OCA2: variants seen among roughly 807,000 people sequenced by gnomAD.
OCA2 encodes the protein OCA2 melanosomal transmembrane protein, also known as P protein.
Under a neutral mutation model 100.2 loss-of-function variants are expected in OCA2, and 77 were observed. That is an observed-to-expected ratio of 0.77 (90% confidence interval 0.64 to 0.93). OCA2 has a LOEUF of 0.93. OCA2 is among the 40% of genes least tolerant of loss of function. OCA2 has a pLI of 0.00. For synonymous variants in OCA2, 432 were observed against 439.2 expected, an observed-to-expected ratio of 0.98 and a Z score of 0.21; for missense variants, 1,062 against 1,089.1, an observed-to-expected ratio of 0.98 and a Z score of 0.35.
chr15:27,850,754 G>A (rs1362127751), intron 22 of OCA2, among the ~76,000 whole-genome samples: 1 of 152,174 alleles, frequency 6.6e-6, no homozygotes, highest in Non-Finnish European at 1.5e-5. Context: ...AAGCGTATCT[G>A]ATGTGTTGAT....
intron 2 of OCA2, among the ~76,000 whole-genome samples, chr15:28,061,292 G>T (rs2043864912): frequency 6.6e-6 from 1 of 152,142 alleles, no homozygotes; most frequent in Non-Finnish European, 1.5e-5. Flanking sequence ...AATGGTCCCA[G>T]CCCTTATTTA....
chr15:27,836,592 A>G (rs992614438), intron 23 of OCA2, among the ~76,000 whole-genome samples: 2 of 152,242 alleles, frequency 1.3e-5, no homozygotes, highest in African/African-American at 4.8e-5. Flanking sequence ...TGATCAATAC[A>G]GAGATTAACC....
At chr15:27,732,967 G>A in the OCA2 span, among the ~76,000 whole-genome samples, 883 of 152,160 alleles carry the variant, frequency 5.8e-3, 15 homozygotes, top group African/African-American at 0.021. Flanking sequence ...AGAAAATTGC[G>A]GCAAAGGATA....
chr15:28,034,678 T>C (rs2042997821), intron 2 of OCA2, among the ~76,000 whole-genome samples: 1 of 151,976 alleles, frequency 6.6e-6, no homozygotes, highest in Admixed American at 6.6e-5. Context: ...GGAAGGCTGG[T>C]GGAAGGATTG....
At chr15:28,009,376 A>T (rs1323806191) in intron 9 of OCA2, among the ~76,000 whole-genome samples, 1 of 151,922 alleles carries the variant, frequency 6.6e-6, no homozygotes, top group East Asian at 1.9e-4. Flanking sequence ...TAGACCATAA[A>T]CCTGAGTCAT....
chr15:27,727,435 T>C, the OCA2 span, among the ~76,000 whole-genome samples: 1 of 152,192 alleles, frequency 6.6e-6, no homozygotes, highest in African/African-American at 2.4e-5. Flanking sequence ...TCACAGATGT[T>C]ACCCTCTCAT....
At chr15:28,010,392 T>C (rs973734401) in intron 9 of OCA2, among the ~76,000 whole-genome samples, 2 of 152,166 alleles carry the variant, frequency 1.3e-5, no homozygotes, top group African/African-American at 2.4e-5. Flanking sequence ...ATTAAAGACA[T>C]ACAGATTGGA....
chr15:27,822,013 T>A (rs1427546401), intron 23 of OCA2, among the ~76,000 whole-genome samples: 1 of 152,170 alleles, frequency 6.6e-6, no homozygotes, highest in African/African-American at 2.4e-5. Flanking sequence ...TGTGTTCCAA[T>A]AAAACTTCAG....
At position 27,871,208 on chromosome 15, in the gene OCA2, C is replaced by A; in HGVS notation, c.2190G>T (p.Trp730Cys). Residue 730 changes from tryptophan to cysteine, a missense_variant, in exon 21 of 24, where the codon TGG (tryptophan) becomes TGT (cysteine). Physicochemically the swap from Trp to Cys is radical, Grantham distance 215. Transcript: ENST00000354638. ...RLIAAIVLVVWVSALASSLID... is the reference protein window; with the variant it reads ...RLIAAIVLVVCVSALASSLID... ...TCAGGGACGACGCCAGGGCTGAGAC[C>A]CACACCACCAGGACAATGGCGGCTA... The A allele has an allele frequency of 2.5e-6, 4 of 1,614,174 alleles. No individual in the cohort carries two copies. The highest frequency in any genetic ancestry group is 2.5e-6 in the Non-Finnish European group (3 of 1,180,012).
intron 9 of OCA2, among the ~76,000 whole-genome samples, chr15:27,993,097 C>T (rs1456564252): frequency 6.6e-6 from 1 of 152,194 alleles, no homozygotes; most frequent in Non-Finnish European, 1.5e-5. Context: ...GCACTCCAGC[C>T]TGGGCAACAG....
At chr15:27,815,930 G>A (rs377614158) in intron 23 of OCA2, among the ~76,000 whole-genome samples, 3 of 152,112 alleles carry the variant, frequency 2.0e-5, no homozygotes, top group Admixed American at 6.5e-5. Flanking sequence ...TCAGGAGTTC[G>A]AGACCAGCCT....
intron 1 of OCA2, among the ~76,000 whole-genome samples, chr15:28,086,693 A>C (rs1380313537): frequency 6.6e-6 from 1 of 152,238 alleles, no homozygotes; most frequent in Non-Finnish European, 1.5e-5. Context: ...GCCAAAATAA[A>C]AATGTTTCAA....
intron 9 of OCA2, among the ~76,000 whole-genome samples, chr15:28,009,558 T>C (rs1278234238): frequency 1.3e-5 from 2 of 152,072 alleles, no homozygotes; most frequent in Admixed American, 1.3e-4. Flanking sequence ...CATGATGGTA[T>C]GCGCCTGTGG....
At chr15:27,758,238 A>G (rs71465252) in intron 23 of OCA2, among the ~76,000 whole-genome samples, 7,949 of 152,272 alleles carry the variant, frequency 0.052, 298 homozygotes, top group South Asian at 0.13. Context: ...GAAAGAAAAC[A>G]AAAAGCCCCA....
intron 23 of OCA2, among the ~76,000 whole-genome samples, chr15:27,804,880 C>G (rs965534123): frequency 6.6e-6 from 1 of 152,254 alleles, no homozygotes; most frequent in African/African-American, 2.4e-5. Context: ...TTTATGCATT[C>G]TGTCAGTCGT....
At chr15:27,878,411 C>T (rs2036877374) in intron 19 of OCA2, among the ~76,000 whole-genome samples, 1 of 152,092 alleles carries the variant, frequency 6.6e-6, no homozygotes, top group Admixed American at 6.6e-5. Flanking sequence ...AAATGAATTC[C>T]AGTCATTTCC....
intron 2 of OCA2, among the ~76,000 whole-genome samples, chr15:28,069,844 T>C (rs1227701480): frequency 1.2e-4 from 13 of 112,262 alleles, no homozygotes; most frequent in South Asian, 3.2e-4. Context: ...AAGTGAGGAG[T>C]GTCTCTGCCT....
At chr15:27,871,500 A>T (rs1032262281) in intron 20 of OCA2, among the ~76,000 whole-genome samples, 3 of 152,142 alleles carry the variant, frequency 2.0e-5, no homozygotes. Context: ...AGGCAGAGTG[A>T]CCCTGCCCCT....
At chr15:27,911,867 G>A (rs770637470) in intron 19 of OCA2, among the ~76,000 whole-genome samples, 32 of 152,302 alleles carry the variant, frequency 2.1e-4, no homozygotes, top group African/African-American at 4.8e-4. Context: ...AGGCTATGGA[G>A]AAGAAAAGAA....
Sources: allele counts gnomAD v4.1 joint callset (sites outside exome capture counted in the v4.1 genomes callset), GRCh38; gene constraint gnomAD v4.1.1; transcripts MANE v1.5; gene names NCBI Gene and HGNC (gene_info 2026-07-23, HGNC 2026-07-21).